The following EPC2 variants were observed in gnomAD, a reference collection of about 807,000 sequenced individuals.
EPC2 encodes the protein enhancer of polycomb 2.
Under a neutral mutation model 92.1 loss-of-function variants are expected in EPC2, and 14 were observed. That is an observed-to-expected ratio of 0.15 (90% CI 0.10 to 0.24). EPC2 has a LOEUF of 0.24. EPC2 is among the 10% of genes least tolerant of loss of function. The pLI is 1.00. For missense variants in EPC2, 755 were observed against 971.5 expected (o/e 0.78, Z 2.96); for synonymous variants, 340 against 334.7 (o/e 1.02, Z -0.17).
chr2:148,720,564 T>A (rs560278951), intron 2 of EPC2, among the ~76,000 whole-genome samples: 22 of 152,332 alleles, frequency 1.4e-4, no homozygotes, highest in African/African-American at 4.3e-4. Flanking sequence ...TGTGCATGCC[T>A]GAGCAGCTGC....
intron 1 of EPC2, among the ~76,000 whole-genome samples, chr2:148,684,139 G>C (rs536361977): frequency 1.3e-5 from 2 of 152,104 alleles, no homozygotes; most frequent in Admixed American, 6.5e-5. Context: ...TTCATTGTTT[G>C]TTGGCCATTT....
chr2:148,693,079 T>G (rs745389958), intron 2 of EPC2, among the ~76,000 whole-genome samples: 1 of 152,222 alleles, frequency 6.6e-6, no homozygotes, highest in African/African-American at 2.4e-5. Context: ...AATTTGCTTA[T>G]TGGACTTAAG....
chr2:148,668,615 C>T (rs1374499350), intron 1 of EPC2, among the ~76,000 whole-genome samples: 4 of 152,140 alleles, frequency 2.6e-5, no homozygotes, highest in South Asian at 4.1e-4. Context: ...TTCTTTAATA[C>T]GTATAAGGCT....
chr2:148,741,490 T>G (rs1682878180), intron 2 of EPC2, among the ~76,000 whole-genome samples: 1 of 152,166 alleles, frequency 6.6e-6, no homozygotes, highest in South Asian at 2.1e-4. Context: ...GTACTATCTG[T>G]AGTAGGAGGC....
At chr2:148,692,646 G>A (rs1681667562) in intron 2 of EPC2, 1 of 152,098 alleles carries the variant, frequency 6.6e-6, no homozygotes, top group Non-Finnish European at 1.5e-5. Context: ...TCAGGAAGGA[G>A]ATAACTATTC....
intron 1 of EPC2, among the ~76,000 whole-genome samples, chr2:148,652,270 T>G (rs557910112): frequency 6.6e-6 from 1 of 152,344 alleles, no homozygotes; most frequent in African/African-American, 2.4e-5. Flanking sequence ...GAAGTTAAAG[T>G]GTTAAATCAT....
intron 4 of EPC2, among the ~76,000 whole-genome samples, chr2:148,761,576 T>G (rs1305370146): frequency 2.6e-5 from 4 of 152,212 alleles, no homozygotes; most frequent in African/African-American, 9.6e-5. Context: ...GGCAACATTT[T>G]TTTTCTGAGT....
intron 1 of EPC2, among the ~76,000 whole-genome samples, chr2:148,661,800 CAT>C (rs1680940981): frequency 6.6e-6 from 1 of 151,876 alleles, no homozygotes; most frequent in South Asian, 2.1e-4. Flanking sequence ...TGGAGATTAC[CAT>C]ATGATTTTCC....
chr2:148,661,027 T>C (rs796669018), intron 1 of EPC2, among the ~76,000 whole-genome samples: 116 of 152,224 alleles, frequency 7.6e-4, no homozygotes, highest in African/African-American at 2.6e-3. Flanking sequence ...ATTATTCTAC[T>C]TTTTCAGAGT....
intron 3 of EPC2, among the ~76,000 whole-genome samples, chr2:148,744,071 T>C (rs1412713411): frequency 1.3e-5 from 2 of 152,174 alleles, no homozygotes; most frequent in Non-Finnish European, 2.9e-5. Flanking sequence ...ATTTGCTTGC[T>C]TGGATCTTTA....
intron 2 of EPC2, among the ~76,000 whole-genome samples, chr2:148,739,798 T>TTTCTTTTC (rs1682840375): frequency 6.6e-6 from 1 of 151,172 alleles, no homozygotes; most frequent in Non-Finnish European, 1.5e-5. Flanking sequence ...TTCGCTTATT[T>TTTCTTTTC]TTCTTTTCTT....
At chr2:148,786,078 T>A (rs946479878) in intron 13 of EPC2, among the ~76,000 whole-genome samples, 1 of 152,216 alleles carries the variant, frequency 6.6e-6, no homozygotes, top group African/African-American at 2.4e-5. Context: ...TAAATTATTA[T>A]CTTTCCTAAG....
intron 2 of EPC2, among the ~76,000 whole-genome samples, chr2:148,728,849 A>G (rs1249741330): frequency 6.6e-6 from 1 of 151,146 alleles, no homozygotes; most frequent in Non-Finnish European, 1.5e-5. Flanking sequence ...TGGCTAACAC[A>G]GTGAAACCCC....
intron 6 of EPC2, among the ~76,000 whole-genome samples, chr2:148,763,155 A>G (rs1683334406): frequency 6.6e-6 from 1 of 152,176 alleles, no homozygotes; most frequent in Non-Finnish European, 1.5e-5. Flanking sequence ...TAGCCTTAGC[A>G]AACCTTGCAT....
intron 2 of EPC2, among the ~76,000 whole-genome samples, chr2:148,735,438 T>C (rs949961685): frequency 1.3e-5 from 2 of 152,028 alleles, no homozygotes; most frequent in Non-Finnish European, 2.9e-5. Context: ...TTTTCCTATC[T>C]TTGGGTCCAT....
intron 1 of EPC2, among the ~76,000 whole-genome samples, chr2:148,668,305 A>G (rs1681092066): frequency 6.6e-6 from 1 of 152,258 alleles, no homozygotes; most frequent in East Asian, 1.9e-4. Flanking sequence ...TTGGTCATGT[A>G]TTATCCTTTT....
chr2:148,740,127 CAATCAACTTAA>C (rs1265017942), intron 2 of EPC2, among the ~76,000 whole-genome samples: 2 of 151,544 alleles, frequency 1.3e-5, no homozygotes, highest in Non-Finnish European at 2.9e-5. Context: ...AGTGAGGTAT[CAATCAACTTAA>C]AATATTCTGC....
At position 148,767,161 on chromosome 2, in the gene EPC2, G is replaced by T. The variant is rs142971547; in HGVS notation, c.1141-1990G>T. 5.0e-3 allele frequency among the ~76,000 whole-genome samples: 743 copies of T among 148,366 alleles called. 6 individuals are homozygous for T. Among genetic ancestry groups the T allele is most frequent in the African/African-American group, 0.018 (728 of 40,010 alleles). Reference sequence around the variant, plus strand: ...TGCTGTGAGCCAAGGTTGCACCACTGTACTCCAGCCTGGGCGACAGAGCAA... The same window carrying T: ...TGCTGTGAGCCAAGGTTGCACCACTTTACTCCAGCCTGGGCGACAGAGCAA... On this transcript the variant is annotated intron_variant, in intron 7 of 13. Transcript: ENST00000258484.
At chr2:148,704,234 A>G (rs947185507) in intron 2 of EPC2, among the ~76,000 whole-genome samples, 7 of 152,250 alleles carry the variant, frequency 4.6e-5, no homozygotes, top group African/African-American at 1.7e-4. Context: ...AGGCAGTGAC[A>G]CATGGTTACA....
Sources: allele counts gnomAD v4.1 joint callset (sites outside exome capture counted in the v4.1 genomes callset), GRCh38; gene constraint gnomAD v4.1.1; transcripts MANE v1.5; gene names NCBI Gene and HGNC (gene_info 2026-07-23, HGNC 2026-07-21).